TBC1D10A: variants seen among roughly 807,000 people sequenced by gnomAD.
TBC1D10A encodes the protein TBC1 domain family member 10A.
A neutral mutation model predicts 52.9 loss-of-function variants in TBC1D10A; 24 were observed. The ratio of observed to expected loss-of-function variants is 0.45; its 90% CI spans 0.33 to 0.64. The LOEUF is 0.64. Among genes scored for constraint, TBC1D10A ranks in the 30% least tolerant of loss-of-function variants. The pLI, the probability that TBC1D10A is intolerant of heterozygous loss-of-function variation, is 0.02. For synonymous variants in TBC1D10A, 278 were observed against 282.9 expected (o/e 0.98, Z 0.17); for missense variants, 602 against 687.9 (o/e 0.88, Z 1.40).
intron 8 of TBC1D10A, 120 bp from the exon 9 acceptor site, chr22:30,292,971 C>A (rs1392433328): frequency 3.6e-6 from 4 of 1,125,004 alleles, no homozygotes; most frequent in Admixed American, 4.1e-5. Flanking sequence ...AAACACTGAC[C>A]CCAGGAAGGA....
intron 8 of TBC1D10A, 105 bp from the exon 9 acceptor site, chr22:30,292,956 C>A (rs1929984305): frequency 1.6e-6 from 2 of 1,264,454 alleles, no homozygotes; most frequent in Non-Finnish European, 2.2e-6. Context: ...CCAGCCTTGG[C>A]CACTAAACAC....
chr22:30,326,521 AG>A, intron 1 of TBC1D10A, 151 bp downstream of exon 1: 1 of 483,484 alleles, frequency 2.1e-6, no homozygotes, highest in Non-Finnish European at 2.7e-6. Context: ...CTAGGAAGGC[AG>A]GGGTGGTGGG....
At chr22:30,325,907 G>T (rs1028550154) in intron 1 of TBC1D10A, among the ~76,000 whole-genome samples, 1 of 152,128 alleles carries the variant, frequency 6.6e-6, no homozygotes, top group African/African-American at 2.4e-5. Context: ...GGAGCTGATG[G>T]TCTGTCCTAG....
At chr22:30,325,246 G>A (rs988875220) in intron 1 of TBC1D10A, among the ~76,000 whole-genome samples, 1 of 152,246 alleles carries the variant, frequency 6.6e-6, no homozygotes, top group Non-Finnish European at 1.5e-5. Context: ...TCCAGTGGGT[G>A]AGAGGGAACT....
At chr22:30,326,604 G>A in intron 1 of TBC1D10A, 69 bp downstream of exon 1, 2 of 1,454,516 alleles carry the variant, frequency 1.4e-6, no homozygotes, top group South Asian at 1.3e-5. Flanking sequence ...AGTCCCGAGG[G>A]CGCCTCCGTC....
chr22:30,294,924 C>T lies in TBC1D10A; in HGVS notation c.639+17G>A, dbSNP rs945149499. On this transcript the variant is annotated intron_variant, in intron 5 of 8. Transcript: ENST00000215790. Reference sequence around the variant, plus strand: ...GTTCCCCACCCACCCCCCTGCCTGCCCGGGGCCTGGTGGTACCTCAGCAGG... The same window carrying T: ...GTTCCCCACCCACCCCCCTGCCTGCTCGGGGCCTGGTGGTACCTCAGCAGG... The T allele has an allele frequency of 1.9e-6, 3 of 1,613,930 alleles. No homozygotes were observed. Among genetic ancestry groups the T allele is most frequent in the African/African-American group, 2.7e-5 (2 of 74,944 alleles).
chr22:30,302,603 C>A (rs895004184), intron 2 of TBC1D10A, among the ~76,000 whole-genome samples: 2 of 152,238 alleles, frequency 1.3e-5, no homozygotes, highest in Non-Finnish European at 2.9e-5. Flanking sequence ...ATGGCCACAG[C>A]TGAGATGGCA....
chr22:30,318,106 G>C (rs1930575523), intron 1 of TBC1D10A, among the ~76,000 whole-genome samples: 1 of 152,158 alleles, frequency 6.6e-6, no homozygotes, highest in Non-Finnish European at 1.5e-5. Context: ...GGTGCCCCTT[G>C]TAAGTGCTGA....
intron 8 of TBC1D10A, 117 bp from the exon 9 acceptor site, chr22:30,292,968 G>T: frequency 8.6e-7 from 1 of 1,160,480 alleles, no homozygotes; most frequent in Non-Finnish European, 1.2e-6. Context: ...ACTAAACACT[G>T]ACCCCAGGAA....
At chr22:30,308,407 C>T (rs940984098) in intron 1 of TBC1D10A, among the ~76,000 whole-genome samples, 9 of 150,742 alleles carry the variant, frequency 6.0e-5, no homozygotes, top group Non-Finnish European at 1.3e-4. Context: ...CTCAGAACAC[C>T]ATGTCTCATG....
rs1396856443 is a variant in TBC1D10A at position 30,293,943 on chromosome 22, G to C, written c.873C>G (p.Val291=). Reference sequence around the variant, plus strand: ...TACCTTCACAGAAGAACATGTCCCAGACACGCAGCACAGAGCTCCAGGGCA... The same window carrying C: ...TACCTTCACAGAAGAACATGTCCCACACACGCAGCACAGAGCTCCAGGGCA... ...RTLPWSSVLR[V]WDMFFCEGVK... Residue 291 remains valine, a synonymous_variant, in exon 7 of 9, where the codon GTC becomes GTG. Coordinates refer to ENST00000215790, the MANE Select transcript of TBC1D10A (RefSeq NM_031937.3). 6.2e-7 allele frequency: 1 copy of C among 1,613,950 alleles called. No individual in the cohort carries two copies. Among genetic ancestry groups the C allele is most frequent in the African/African-American group, 1.3e-5 (1 of 75,056 alleles).
intron 1 of TBC1D10A, among the ~76,000 whole-genome samples, chr22:30,317,647 C>G (rs1211214117): frequency 2.0e-5 from 3 of 152,172 alleles, no homozygotes; most frequent in African/African-American, 7.2e-5. Context: ...TGGGGTCTCG[C>G]TCTGTCACCC....
At chr22:30,302,023 C>A (rs1930211471) in intron 2 of TBC1D10A, among the ~76,000 whole-genome samples, 1 of 152,242 alleles carries the variant, frequency 6.6e-6, no homozygotes, top group Non-Finnish European at 1.5e-5. Context: ...CAGCAAGAGG[C>A]AGCCCCACAT....
At chr22:30,325,966 G>C (rs960257380) in intron 1 of TBC1D10A, among the ~76,000 whole-genome samples, 1 of 152,122 alleles carries the variant, frequency 6.6e-6, no homozygotes, top group African/African-American at 2.4e-5. Flanking sequence ...GGGAGTACCT[G>C]CCCACCTGTT....
intron 8 of TBC1D10A, chr22:30,293,365 C>T (rs763442968): frequency 4.4e-6 from 3 of 677,744 alleles, no homozygotes; most frequent in Admixed American, 4.1e-5. Flanking sequence ...GAAATAAGAG[C>T]CAAGGCTGCG....
chr22:30,315,236 T>C (rs984585045), intron 1 of TBC1D10A, among the ~76,000 whole-genome samples: 1 of 152,150 alleles, frequency 6.6e-6, no homozygotes, highest in African/African-American at 2.4e-5. Flanking sequence ...CAAAGCTGCA[T>C]TGCTCCCTTA....
At chr22:30,310,541 T>C (rs1392109277) in intron 1 of TBC1D10A, among the ~76,000 whole-genome samples, 1 of 152,184 alleles carries the variant, frequency 6.6e-6, no homozygotes, top group Non-Finnish European at 1.5e-5. Flanking sequence ...TGCTTTGCTC[T>C]CTGAGCTTCC....
chr22:30,292,579 C>T lies in TBC1D10A; in HGVS notation c.1323G>A (p.Gly441=), dbSNP rs1281505178. 1 of 1,613,844 alleles carries T rather than the reference C, an allele frequency of 6.2e-7. No individual in the cohort carries two copies. Among genetic ancestry groups the T allele is most frequent in the East Asian group, 2.2e-5 (1 of 44,876 alleles). The change falls in exon 9 of 9, where the codon GGG becomes GGA. Residue 441 remains glycine, a synonymous_variant. Coordinates refer to ENST00000215790, the MANE Select transcript of TBC1D10A (RefSeq NM_031937.3). ...CTGGGGGCTTCTCCAGCTGCCCTCT[C>T]CCCTTCATCTGTTTCCGCTGCTCCT... is the stretch of plus-strand genomic sequence containing the variant. ...AQKEQRKQMK[G]RGQLEKPPAP...
At chr22:30,292,914 C>T in intron 8 of TBC1D10A, 63 bp from the exon 9 acceptor site, 1 of 1,567,878 alleles carries the variant, frequency 6.4e-7, no homozygotes, top group Non-Finnish European at 8.7e-7. Context: ...TTCTGCCTCC[C>T]AGCCTGGGCC....
Sources: allele counts gnomAD v4.1 joint callset (sites outside exome capture counted in the v4.1 genomes callset), GRCh38; gene constraint gnomAD v4.1.1; transcripts MANE v1.5; gene names NCBI Gene and HGNC (gene_info 2026-07-23, HGNC 2026-07-21).